Variants in CRB1 observed in about 807,000 individuals in gnomAD.
CRB1 encodes protein crumbs homolog 1.
In CRB1, 83 loss-of-function variants were observed where a neutral mutation model predicts 120.0. The observed-to-expected ratio is 0.69, with a 90% confidence interval of 0.58 to 0.83. The LOEUF is 0.83. Ranked by LOEUF, CRB1 falls within the 40% of genes least tolerant of loss-of-function variation. The probability of loss-of-function intolerance (pLI) is 0.00; values close to 1 mark genes in which losing one functional copy is unlikely to be tolerated. For missense variants in CRB1, 1,699 were observed against 1,687.6 expected (o/e 1.01, Z -0.12); for synonymous variants, 625 against 612.5 (o/e 1.02, Z -0.30).
intron 1 of CRB1, among the ~76,000 whole-genome samples, chr1:197,295,481 C>T (rs539600766): frequency 1.3e-5 from 2 of 152,078 alleles, no homozygotes; most frequent in African/African-American, 2.4e-5. Flanking sequence ...GATATAGATT[C>T]CGCAAGTAAA....
chr1:197,347,271 G>A (rs1431011836), intron 3 of CRB1, 69 bp from the exon 4 acceptor site: 43 of 1,415,448 alleles, frequency 3.0e-5, no homozygotes, highest in Non-Finnish European at 4.2e-5. Flanking sequence ...GACAGTTGAA[G>A]AAACAGTATA....
At position 197,415,590 on chromosome 1, in the gene CRB1, C is replaced by T. The variant is rs1409663548; in HGVS notation, c.1172-5410C>T. 2.0e-5 allele frequency among the ~76,000 whole-genome samples: 3 copies of T among 150,656 alleles called. No homozygotes were observed. The South Asian group carries it at 6.4e-4, about 32-fold the overall frequency. ...TTGTTTATTCACTTATTTACACACA[C>T]AAAGACCTCTTTTTCTTTTTTCTTT... is the stretch of plus-strand genomic sequence containing the variant. On this transcript the variant is annotated intron_variant, in intron 5 of 11. Transcript: ENST00000367400.
chr1:197,389,049 G>A (rs1391872547), intron 5 of CRB1, among the ~76,000 whole-genome samples: 1 of 152,028 alleles, frequency 6.6e-6, no homozygotes, highest in African/African-American at 2.4e-5. Context: ...AAACAGAAAA[G>A]TTACAAATAT....
At chr1:197,318,176 C>T (rs969988694) in intron 1 of CRB1, among the ~76,000 whole-genome samples, 3 of 151,816 alleles carry the variant, frequency 2.0e-5, no homozygotes, top group East Asian at 1.9e-4. Context: ...AAAAAATGAG[C>T]GAAAGACTTG....
chr1:197,477,120 C>T (rs1052712494), intron 11 of CRB1, among the ~76,000 whole-genome samples: 1 of 152,220 alleles, frequency 6.6e-6, no homozygotes, highest in African/African-American at 2.4e-5. Context: ...GAATCCGAAT[C>T]AGAGTGATTC....
At position 197,271,661 on chromosome 1, in the gene CRB1, G is replaced by A. The variant is rs74981788; in HGVS notation, c.70+3179G>A. Among the ~76,000 whole-genome samples the A allele has an allele frequency of 4.2e-3, 647 of 152,242 alleles. 8 individuals are homozygous for A. Among genetic ancestry groups the A allele is most frequent in the African/African-American group, 0.015 (624 of 41,544 alleles). On this transcript the variant is annotated intron_variant, in intron 1 of 11. Transcript: ENST00000367400. ...TATTAAAAGAGAAACTTATTAGAGT[G>A]AGACTCTCCTGTGATCCATTATTCA...
chr1:197,400,305 T>A (rs1219447381), intron 5 of CRB1, among the ~76,000 whole-genome samples: 2 of 67,928 alleles, frequency 2.9e-5, no homozygotes, highest in Non-Finnish European at 5.6e-5. Context: ...ATGTAAGAGC[T>A]TTTTTTTTTT....
chr1:197,390,172 T>A (rs1571454176), intron 5 of CRB1, among the ~76,000 whole-genome samples: 1 of 124,240 alleles, frequency 8.0e-6, no homozygotes, highest in Non-Finnish European at 1.7e-5. Context: ...AGAGAAGGGG[T>A]GTTTGTGTGG....
the CRB1 span, among the ~76,000 whole-genome samples, chr1:197,258,613 C>T: frequency 1.3e-5 from 2 of 152,160 alleles, no homozygotes; most frequent in African/African-American, 2.4e-5. Context: ...TCTTCCATGA[C>T]ACCACAATGT....
the CRB1 span, among the ~76,000 whole-genome samples, chr1:197,203,019 C>A: frequency 6.6e-6 from 1 of 151,350 alleles, no homozygotes; most frequent in African/African-American, 2.4e-5. Flanking sequence ...GAGAGAGATA[C>A]AACTGAATTG....
chr1:197,313,126 C>T (rs939506557), intron 1 of CRB1, among the ~76,000 whole-genome samples: 7 of 152,142 alleles, frequency 4.6e-5, no homozygotes, highest in African/African-American at 1.4e-4. Context: ...CTTCACGTGG[C>T]AGCAGGGGAA....
intron 6 of CRB1, among the ~76,000 whole-genome samples, chr1:197,426,295 T>C (rs1664578680): frequency 6.6e-6 from 1 of 152,096 alleles, no homozygotes; most frequent in Non-Finnish European, 1.5e-5. Context: ...AATAATGTAG[T>C]ATAACTTTGG....
Position 197,421,998 on chromosome 1 carries a change from C to T in CRB1, c.2128+42C>T, listed in dbSNP as rs766794739. On this transcript the variant is annotated intron_variant, in intron 6 of 11. Coordinates refer to ENST00000367400, the MANE Select transcript of CRB1 (RefSeq NM_201253.3). Reference sequence around the variant, plus strand: ...TGCTATGGCTAGGAGTGCCATGCCTCAGAGCAGAGCAGAAACAGCAAAAAC... The same window carrying T: ...TGCTATGGCTAGGAGTGCCATGCCTTAGAGCAGAGCAGAAACAGCAAAAAC... 9 of 1,582,804 alleles carry T rather than the reference C, an allele frequency of 5.7e-6. No homozygotes were observed. The East Asian group carries it at 1.8e-4, about 31-fold the overall frequency.
the CRB1 span, among the ~76,000 whole-genome samples, chr1:197,254,632 T>G: frequency 6.6e-6 from 1 of 152,108 alleles, no homozygotes; most frequent in African/African-American, 2.4e-5. Context: ...TAACTAGAAC[T>G]AGGGCTGCTT....
chr1:197,315,856 A>G (rs529967432), intron 1 of CRB1, among the ~76,000 whole-genome samples: 11 of 152,322 alleles, frequency 7.2e-5, no homozygotes, highest in African/African-American at 2.6e-4. Flanking sequence ...AATTTAAATT[A>G]TTTCTTTTCA....
chr1:197,272,264 C>G (rs959515467), intron 1 of CRB1, among the ~76,000 whole-genome samples: 1 of 152,000 alleles, frequency 6.6e-6, no homozygotes, highest in African/African-American at 2.4e-5. Context: ...AAGTGCCTAC[C>G]TAATTATTAG....
At chr1:197,446,299 G>C (rs572097569) in intron 11 of CRB1, among the ~76,000 whole-genome samples, 93 of 152,292 alleles carry the variant, frequency 6.1e-4, no homozygotes, top group African/African-American at 2.2e-3. Context: ...AGTCTTACAG[G>C]TGGGTATAGA....
At chr1:197,305,333 T>C (rs1219328881) in intron 1 of CRB1, among the ~76,000 whole-genome samples, 1 of 152,144 alleles carries the variant, frequency 6.6e-6, no homozygotes, top group Non-Finnish European at 1.5e-5. Flanking sequence ...ATAAACATAT[T>C]TGTTAATGAA....
chr1:197,297,478 G>A (rs1656599564), intron 1 of CRB1, among the ~76,000 whole-genome samples: 2 of 152,094 alleles, frequency 1.3e-5, no homozygotes, highest in African/African-American at 2.4e-5. Context: ...GAGGTATGGA[G>A]TATGGCAGGA....
Sources: allele counts gnomAD v4.1 joint callset (sites outside exome capture counted in the v4.1 genomes callset), GRCh38; gene constraint gnomAD v4.1.1; transcripts MANE v1.5; gene names NCBI Gene and HGNC (gene_info 2026-07-23, HGNC 2026-07-21).